The following ASXL2 variants were observed in gnomAD, a reference collection of about 807,000 sequenced individuals.
ASXL2 encodes putative Polycomb group protein ASXL2.
A neutral mutation model predicts 122.0 loss-of-function variants in ASXL2; 23 were observed. That is an observed-to-expected ratio of 0.19 (90% CI 0.14 to 0.27). ASXL2 has a LOEUF of 0.27. Among genes scored for constraint, ASXL2 ranks in the 10% least tolerant of loss-of-function variants. The pLI is 1.00. For missense variants in ASXL2, 1,518 were observed against 1,713.8 expected (o/e 0.89, Z 2.02); for synonymous variants, 650 against 637.0 (o/e 1.02, Z -0.31).
intron 1 of ASXL2, among the ~76,000 whole-genome samples, chr2:25,864,429 T>C (rs907509729): frequency 2.0e-5 from 3 of 152,046 alleles, no homozygotes; most frequent in Non-Finnish European, 4.4e-5. Context: ...GGCACAGGAA[T>C]TGGAAATGGA....
chr2:25,773,393 C>T (rs955050171), intron 5 of ASXL2, among the ~76,000 whole-genome samples: 13 of 151,442 alleles, frequency 8.6e-5, no homozygotes, highest in Admixed American at 2.0e-4. Context: ...TGGCCAGGCG[C>T]GGTGGCTCAC....
rs769413844 is a variant in ASXL2, at chr2:25,750,048, T to C, written c.1508A>G (p.Lys503Arg). 1 of 1,614,026 alleles carries C rather than the reference T, an allele frequency of 6.2e-7. No homozygotes were observed. The highest frequency in any genetic ancestry group is 8.5e-7 in the Non-Finnish European group (1 of 1,179,888). ...ATTAGAAGCTGTGGTGAGATGGTTC[T>C]TCTCAGATTCCTGTTCAGCAGAGGT... ...PVTSAEQESE[K>R]NHLTTASNYN... The change falls in exon 12 of 13, where the codon AAG becomes AGG. Residue 503 changes from lysine (K) to arginine (R), a missense_variant. By Grantham distance (26) the Lys-to-Arg change is conservative. This residue lies in a region of ASXL2 where 292 missense variants were observed against 293.5 expected (regional missense o/e 1.00). Coordinates refer to ENST00000435504, the MANE Select transcript of ASXL2 (RefSeq NM_018263.6).
At chr2:25,787,514 C>T (rs1264445802) in intron 5 of ASXL2, among the ~76,000 whole-genome samples, 1 of 152,178 alleles carries the variant, frequency 6.6e-6, no homozygotes, top group Non-Finnish European at 1.5e-5. Flanking sequence ...TGTTAAAATC[C>T]ATGAGAGGCT....
chr2:25,842,796 A>G (rs374256011), intron 2 of ASXL2, among the ~76,000 whole-genome samples: 18 of 133,878 alleles, frequency 1.3e-4, no homozygotes, highest in Non-Finnish European at 2.1e-4. Flanking sequence ...GTGTGTGTAT[A>G]TATATATATA....
intron 1 of ASXL2, among the ~76,000 whole-genome samples, chr2:25,849,356 A>G (rs2089690485): frequency 6.7e-6 from 1 of 149,636 alleles, no homozygotes. Context: ...CTGGTTCAAG[A>G]ATTCAAGAAT....
chr2:25,818,105 T>C (rs887921191), intron 3 of ASXL2, among the ~76,000 whole-genome samples: 6 of 152,362 alleles, frequency 3.9e-5, no homozygotes, highest in Admixed American at 3.9e-4. Context: ...TATTTTCAAA[T>C]AGAATTTCAA....
At chr2:25,754,822 C>A (rs772589740) in intron 10 of ASXL2, among the ~76,000 whole-genome samples, 24 of 150,764 alleles carry the variant, frequency 1.6e-4, no homozygotes, top group Non-Finnish European at 3.1e-4. Flanking sequence ...ATGTTTTAAT[C>A]TTTCTGAGAA....
At chr2:25,791,640 T>C (rs1410533715) in intron 5 of ASXL2, among the ~76,000 whole-genome samples, 2 of 152,170 alleles carry the variant, frequency 1.3e-5, no homozygotes. Flanking sequence ...AAACACTATA[T>C]ACATTCTCAT....
In ASXL2 at chr2:25,758,642, C is replaced by T. The variant is rs563775434; in HGVS notation, c.939+840G>A. ...TAAAGCTCTCTGGTCCCTGCCTTGA[C>T]GCTTGCCAAACCTTTGGCATTTCTT... On this transcript the variant is annotated intron_variant, in intron 9 of 12. Coordinates refer to ENST00000435504, the MANE Select transcript of ASXL2 (RefSeq NM_018263.6). 1.3e-3 allele frequency among the ~76,000 whole-genome samples: 193 copies of T among 151,158 alleles called. 2 individuals are homozygous for T. The highest frequency in any genetic ancestry group is 4.6e-3 in the African/African-American group (190 of 41,172).
intron 11 of ASXL2, 70 bp downstream of exon 11, chr2:25,753,464 T>A: frequency 9.7e-7 from 1 of 1,031,150 alleles, no homozygotes; most frequent in Non-Finnish European, 1.4e-6. Flanking sequence ...GAGAAGGTAA[T>A]GAGATAAAGC....
chr2:25,816,518 T>C (rs1415406304), intron 3 of ASXL2, among the ~76,000 whole-genome samples: 2 of 152,160 alleles, frequency 1.3e-5, no homozygotes, highest in Non-Finnish European at 1.5e-5. Flanking sequence ...CTGACTCCTG[T>C]GATTGACATG....
intron 3 of ASXL2, among the ~76,000 whole-genome samples, chr2:25,830,637 A>C (rs2089439991): frequency 6.6e-6 from 1 of 151,612 alleles, no homozygotes; most frequent in African/African-American, 2.4e-5. Flanking sequence ...AAAAAAAAAA[A>C]AAAAATTAAT....
At chr2:25,850,215 A>G (rs2089699424) in intron 1 of ASXL2, among the ~76,000 whole-genome samples, 1 of 152,136 alleles carries the variant, frequency 6.6e-6, no homozygotes, top group Non-Finnish European at 1.5e-5. Flanking sequence ...GAAAATGACT[A>G]TAATTCCTTA....
At chr2:25,810,429 C>A in intron 3 of ASXL2, 1 of 699,396 alleles carries the variant, frequency 1.4e-6, no homozygotes, top group Non-Finnish European at 2.6e-6. Context: ...CTTCTTCCGG[C>A]TTTTGCAGGG....
intron 3 of ASXL2, among the ~76,000 whole-genome samples, chr2:25,808,169 T>C (rs1202367034): frequency 2.0e-5 from 3 of 152,130 alleles, no homozygotes; most frequent in Non-Finnish European, 2.9e-5. Flanking sequence ...TTGTGTGGTA[T>C]TAGGAAGCAA....
At chr2:25,832,721 CA>C (rs2089468852) in intron 3 of ASXL2, among the ~76,000 whole-genome samples, 2 of 151,842 alleles carry the variant, frequency 1.3e-5, no homozygotes, top group African/African-American at 4.8e-5. Flanking sequence ...TATGCCCATA[CA>C]AAAACATTTA....
chr2:25,848,433 T>C (rs2089675410), intron 1 of ASXL2, among the ~76,000 whole-genome samples: 1 of 151,872 alleles, frequency 6.6e-6, no homozygotes, highest in African/African-American at 2.4e-5. Flanking sequence ...CCATCCTGGC[T>C]AACATGGTAA....
intron 7 of ASXL2, 72 bp downstream of exon 7, chr2:25,768,666 TAAAC>T: frequency 6.7e-7 from 1 of 1,502,244 alleles, no homozygotes; most frequent in Non-Finnish European, 9.1e-7. Flanking sequence ...AATGATGTCA[TAAAC>T]AAATCAGGAA....
chr2:25,787,178 A>T (rs1295999840), intron 5 of ASXL2, among the ~76,000 whole-genome samples: 3 of 152,194 alleles, frequency 2.0e-5, no homozygotes, highest in African/African-American at 7.2e-5. Context: ...GAATGCAAAC[A>T]ATGTTTTAAG....
Sources: allele counts gnomAD v4.1 joint callset (sites outside exome capture counted in the v4.1 genomes callset), GRCh38; gene constraint gnomAD v4.1.1; regional missense constraint gnomAD v4.1.1; transcripts MANE v1.5; gene names NCBI Gene and HGNC (gene_info 2026-07-23, HGNC 2026-07-21).